LDB2: variants seen among roughly 807,000 people sequenced by gnomAD.
LDB2 encodes the protein LIM domain-binding protein 2.
In LDB2, 12 loss-of-function variants were observed where a neutral mutation model predicts 44.3. That is an observed-to-expected ratio of 0.27 (90% CI 0.17 to 0.44). The LOEUF (loss-of-function observed/expected upper bound fraction) is 0.44. Among genes scored for constraint, LDB2 ranks in the 20% least tolerant of loss-of-function variants. The pLI is 1.00. For missense variants in LDB2, 344 were observed against 473.5 expected, an observed-to-expected ratio of 0.73 and a Z score of 2.54; for synonymous variants, 164 against 174.8, an observed-to-expected ratio of 0.94 and a Z score of 0.49.
chr4:16,759,397 G>T, intron 1 of LDB2, 137 bp from the exon 2 acceptor site: 1 of 628,534 alleles, frequency 1.6e-6, no homozygotes, highest in Non-Finnish European at 2.8e-6. Context: ...TTCTAGGAAA[G>T]GGTAGGTGGG....
chr4:16,883,019 G>A (rs972688778), intron 1 of LDB2, among the ~76,000 whole-genome samples: 4 of 152,042 alleles, frequency 2.6e-5, no homozygotes, highest in African/African-American at 7.2e-5. Flanking sequence ...TTATGAGGAC[G>A]GAAAAAAAAC....
intron 2 of LDB2, among the ~76,000 whole-genome samples, chr4:16,689,884 A>G (rs568149250): frequency 1.3e-5 from 2 of 152,374 alleles, no homozygotes; most frequent in Admixed American, 1.3e-4. Flanking sequence ...AACTTCTAAG[A>G]ATAGTTAGGC....
At chr4:16,791,370 C>A (rs947009457) in intron 1 of LDB2, among the ~76,000 whole-genome samples, 1 of 151,894 alleles carries the variant, frequency 6.6e-6, no homozygotes, top group Non-Finnish European at 1.5e-5. Context: ...GCCTGGCCAA[C>A]ATGGTGAAAC....
At chr4:16,742,906 T>C (rs1181581660) in intron 2 of LDB2, among the ~76,000 whole-genome samples, 1 of 152,164 alleles carries the variant, frequency 6.6e-6, no homozygotes, top group Non-Finnish European at 1.5e-5. Flanking sequence ...ACTCAAATCA[T>C]ACTCATTGCC....
intron 2 of LDB2, chr4:16,726,222 A>T (rs555459200): frequency 6.6e-6 from 1 of 152,294 alleles, no homozygotes; most frequent in South Asian, 2.1e-4. Context: ...TAGCTTAGTT[A>T]AGGCAAATGC....
rs1578386422 is a variant in LDB2, at chr4:16,637,907, A to G, written c.236-42032T>C. ...GGGGGCACAGGGTACTGCATTCTGG[A>G]GCCAGGTGCCAGGCTCCACATCCTG... On this transcript the variant is annotated intron_variant, in intron 2 of 7. Transcript: ENST00000304523. 3.3e-5 allele frequency among the ~76,000 whole-genome samples: 5 copies of G among 152,256 alleles called. 1 individual carries two copies. The highest frequency in any genetic ancestry group is 3.3e-4 in the Admixed American group (5 of 15,300).
At chr4:16,756,976 A>C (rs994675807) in intron 2 of LDB2, among the ~76,000 whole-genome samples, 5 of 151,010 alleles carry the variant, frequency 3.3e-5, no homozygotes, top group African/African-American at 1.2e-4. Flanking sequence ...TTTAACAAAT[A>C]CTAATGCAAC....
chr4:16,869,400 C>T (rs1715779105), intron 1 of LDB2, among the ~76,000 whole-genome samples: 1 of 151,628 alleles, frequency 6.6e-6, no homozygotes. Context: ...CAACTTTCTT[C>T]AGAAATGAGG....
chr4:16,683,596 A>C (rs1380464440), intron 2 of LDB2, among the ~76,000 whole-genome samples: 1 of 152,264 alleles, frequency 6.6e-6, no homozygotes, highest in African/African-American at 2.4e-5. Flanking sequence ...AATGTGGAGA[A>C]GTATTTTTCC....
At chr4:16,626,015 C>T (rs1217450233) in intron 2 of LDB2, among the ~76,000 whole-genome samples, 2 of 152,134 alleles carry the variant, frequency 1.3e-5, no homozygotes, top group Non-Finnish European at 2.9e-5. Context: ...GAACCAAAAT[C>T]CTTAAAGGCC....
intron 2 of LDB2, among the ~76,000 whole-genome samples, chr4:16,714,626 A>G (rs1470360402): frequency 6.6e-6 from 1 of 152,076 alleles, no homozygotes; most frequent in Non-Finnish European, 1.5e-5. Flanking sequence ...ACATATTACA[A>G]ATGGGGTGAC....
chr4:16,864,407 C>A (rs1202665622), intron 1 of LDB2, among the ~76,000 whole-genome samples: 1 of 103,268 alleles, frequency 9.7e-6, no homozygotes, highest in Non-Finnish European at 1.9e-5. Flanking sequence ...GTCTCTTGGA[C>A]TTTCTTCGCA....
chr4:16,585,496 CA>C (rs1307109946), intron 5 of LDB2, among the ~76,000 whole-genome samples: 1 of 152,130 alleles, frequency 6.6e-6, no homozygotes, highest in Non-Finnish European at 1.5e-5. Flanking sequence ...TGTGTTTCAG[CA>C]CGGGATTGGA....
intron 2 of LDB2, among the ~76,000 whole-genome samples, chr4:16,729,401 C>A (rs944052895): frequency 6.6e-6 from 1 of 151,940 alleles, no homozygotes; most frequent in African/African-American, 2.4e-5. Context: ...GAAATTCAGT[C>A]GGAAATTCAC....
At chr4:16,755,806 T>C (rs1006403989) in intron 2 of LDB2, among the ~76,000 whole-genome samples, 4 of 151,902 alleles carry the variant, frequency 2.6e-5, no homozygotes, top group African/African-American at 9.7e-5. Flanking sequence ...GCTGCCAGAG[T>C]AGTACCTTCC....
At chr4:16,885,543 C>A (rs1293861350) in intron 1 of LDB2, among the ~76,000 whole-genome samples, 1 of 152,088 alleles carries the variant, frequency 6.6e-6, no homozygotes. Context: ...TTTGAGGTAT[C>A]CCTTTTCTTT....
At chr4:16,782,373 C>T (rs1218491059) in intron 1 of LDB2, among the ~76,000 whole-genome samples, 8 of 147,024 alleles carry the variant, frequency 5.4e-5, no homozygotes, top group Admixed American at 2.0e-4. Flanking sequence ...TTTTTTGAGA[C>T]GGAGTCTTGC....
At chr4:16,667,917 T>G (rs1743732831) in intron 2 of LDB2, among the ~76,000 whole-genome samples, 1 of 152,166 alleles carries the variant, frequency 6.6e-6, no homozygotes, top group African/African-American at 2.4e-5. Flanking sequence ...TCTGGTCCTC[T>G]GCTCACCTTC....
intron 1 of LDB2, among the ~76,000 whole-genome samples, chr4:16,856,743 C>A (rs1789433669): frequency 6.6e-6 from 1 of 152,152 alleles, no homozygotes; most frequent in African/African-American, 2.4e-5. Flanking sequence ...TCATTACTAC[C>A]AATTTAATCC....
Sources: gnomAD v4.1 joint callset for allele counts (sites outside exome capture counted in the v4.1 genomes callset) on GRCh38, gnomAD v4.1.1 for gene constraint, MANE v1.5 for transcripts, NCBI Gene and HGNC (gene_info 2026-07-23, HGNC 2026-07-21) for gene names.